CTNND2: variants seen among roughly 807,000 people sequenced by gnomAD.
The protein encoded by CTNND2 is catenin delta 2.
In CTNND2, 22 loss-of-function variants were observed where a neutral mutation model predicts 144.4. The observed-to-expected ratio is 0.15, with a 90% confidence interval of 0.11 to 0.22. The LOEUF is 0.22. CTNND2 is among the 10% of genes least tolerant of loss of function. The pLI, the probability that CTNND2 is intolerant of heterozygous loss-of-function variation, is 1.00. For missense variants in CTNND2, 1,353 were observed against 1,618.8 expected, an observed-to-expected ratio of 0.84 and a Z score of 2.82; for synonymous variants, 751 against 695.6, an observed-to-expected ratio of 1.08 and a Z score of -1.25.
rs149766664 is a variant in CTNND2, at chr5:11,159,734, G to A, written c.2001C>T (p.Cys667=). 194 of 1,601,520 alleles carry A rather than the reference G, an allele frequency of 1.2e-4. No individual in the cohort carries two copies. In the African/African-American group the frequency reaches 2.2e-3, roughly 18 times the overall value. ...VTGVLWNLSS[C]DALKMPIIQD... Reference sequence around the variant, plus strand: ...GGATGATTGGCATTTTGAGTGCATCGCATGAGGAGAGGTTCCAAAGGACTC... The same window carrying A: ...GGATGATTGGCATTTTGAGTGCATCACATGAGGAGAGGTTCCAAAGGACTC... Residue 667 remains cysteine, a synonymous_variant, in exon 12 of 22, where the codon TGC becomes TGT. Transcript: ENST00000304623.
chr5:11,236,888 G>A lies in CTNND2; in HGVS notation c.1629-65C>T, dbSNP rs1052664810. The A allele has an allele frequency of 3.2e-6, 5 of 1,547,092 alleles. No individual in the cohort carries two copies. In the African/African-American group the frequency reaches 5.5e-5, roughly 17 times the overall value. On this transcript the variant is annotated intron_variant, in intron 9 of 21. Coordinates refer to ENST00000304623, the MANE Select transcript of CTNND2 (RefSeq NM_001332.4). ...AATCCTACCACACTGTTAACACATG[G>A]TTAGCTCGTGTATGAAATGTACCTG...
At chr5:11,798,199 T>A (rs566319925) in intron 1 of CTNND2, among the ~76,000 whole-genome samples, 3 of 151,270 alleles carry the variant, frequency 2.0e-5, no homozygotes, top group African/African-American at 4.9e-5. Flanking sequence ...GAGGCGGAGG[T>A]TGCAGTGAGC....
chr5:11,635,319 G>A (rs571586395), intron 2 of CTNND2, among the ~76,000 whole-genome samples: 1 of 152,228 alleles, frequency 6.6e-6, no homozygotes, highest in South Asian at 2.1e-4. Context: ...AATGATCAGA[G>A]AGAACAGTGA....
At chr5:11,099,681 A>C (rs1489253752) in intron 14 of CTNND2, among the ~76,000 whole-genome samples, 1 of 152,172 alleles carries the variant, frequency 6.6e-6, no homozygotes, top group Non-Finnish European at 1.5e-5. Context: ...TACTCTTAAC[A>C]ATTTAAAAAA....
intron 12 of CTNND2, among the ~76,000 whole-genome samples, chr5:11,150,576 TCAGGTGGTGG>T (rs1370229979): frequency 6.7e-6 from 1 of 149,276 alleles, no homozygotes; most frequent in Admixed American, 6.7e-5. Flanking sequence ...CATGCTGACA[TCAGGTGGTGG>T]CAGGTGGTGA....
intron 9 of CTNND2, among the ~76,000 whole-genome samples, chr5:11,262,336 T>C (rs1261093098): frequency 6.6e-6 from 1 of 152,174 alleles, no homozygotes; most frequent in Non-Finnish European, 1.5e-5. Flanking sequence ...CACTCTGCTG[T>C]CTCCTTGTTC....
At chr5:11,188,778 T>A (rs1473825145) in intron 11 of CTNND2, among the ~76,000 whole-genome samples, 3 of 152,170 alleles carry the variant, frequency 2.0e-5, no homozygotes, top group Non-Finnish European at 1.5e-5. Context: ...GAAGACTCTA[T>A]GGGATACAGC....
chr5:11,169,898 C>T (rs1473818128), intron 11 of CTNND2, among the ~76,000 whole-genome samples: 2 of 152,098 alleles, frequency 1.3e-5, no homozygotes, highest in African/African-American at 2.4e-5. Flanking sequence ...AGAGCAACAG[C>T]TTTTTCACAG....
In CTNND2 at chr5:11,385,083, G is replaced by A; in HGVS notation, c.759C>T (p.Tyr253=). 1.3e-5 allele frequency: 14 copies of A among 1,068,986 alleles called. No homozygotes were observed. Among genetic ancestry groups the A allele is most frequent in the Non-Finnish European group, 1.5e-5 (13 of 887,466 alleles). 66.2% of individuals were successfully genotyped at this position (1,068,986 alleles called of 1,614,324 possible). The change falls in exon 7 of 22, where the codon TAC becomes TAT. Residue 253 remains tyrosine, a synonymous_variant. Coordinates refer to ENST00000304623, the MANE Select transcript of CTNND2 (RefSeq NM_001332.4). ...GCGCGGGCAGCGTGGAGCTGGAGTA[G>A]TAGAGCGCGGCGGCGGCGGCGGCGG... ...APPAAAAAAL[Y]YSSSTLPAPP...
chr5:11,849,673 C>T (rs1794922874), intron 1 of CTNND2, among the ~76,000 whole-genome samples: 1 of 152,268 alleles, frequency 6.6e-6, no homozygotes, highest in Admixed American at 6.5e-5. Context: ...TGTTAAACAC[C>T]TCTCTATGTA....
intron 1 of CTNND2, among the ~76,000 whole-genome samples, chr5:11,784,619 A>T (rs1790731287): frequency 6.6e-6 from 1 of 152,242 alleles, no homozygotes; most frequent in Non-Finnish European, 1.5e-5. Context: ...AATCAAAAGG[A>T]AATTTATCCT....
chr5:11,455,923 A>T (rs1304603223), intron 3 of CTNND2, among the ~76,000 whole-genome samples: 1 of 152,236 alleles, frequency 6.6e-6, no homozygotes, highest in Non-Finnish European at 1.5e-5. Flanking sequence ...GTCAGCATAA[A>T]TCTTCCCCAA....
intron 2 of CTNND2, among the ~76,000 whole-genome samples, chr5:11,640,010 A>G (rs1357543831): frequency 6.6e-6 from 1 of 152,232 alleles, no homozygotes; most frequent in African/African-American, 2.4e-5. Flanking sequence ...AATTTCTTAC[A>G]TATAAAAATC....
At chr5:11,390,016 C>T (rs1369638933) in intron 6 of CTNND2, among the ~76,000 whole-genome samples, 1 of 152,158 alleles carries the variant, frequency 6.6e-6, no homozygotes, top group Non-Finnish European at 1.5e-5. Context: ...ATTCTAAAAT[C>T]GCCCCCCGCC....
intron 16 of CTNND2, among the ~76,000 whole-genome samples, chr5:11,059,158 T>C (rs954114457): frequency 6.6e-6 from 1 of 152,150 alleles, no homozygotes; most frequent in Admixed American, 6.5e-5. Context: ...TTTTGAAATG[T>C]GAGGATATGA....
chr5:11,798,539 C>T (rs1234108552), intron 1 of CTNND2, among the ~76,000 whole-genome samples: 3 of 152,140 alleles, frequency 2.0e-5, no homozygotes, highest in African/African-American at 7.2e-5. Flanking sequence ...GAGGCCAAGG[C>T]GGACAGATCA....
intron 16 of CTNND2, among the ~76,000 whole-genome samples, chr5:11,052,360 T>C (rs1360141424): frequency 6.6e-6 from 1 of 152,186 alleles, no homozygotes; most frequent in African/African-American, 2.4e-5. Flanking sequence ...CAAATCTACA[T>C]GCAGATAGAA....
chr5:11,736,237 G>A (rs1454120958), intron 1 of CTNND2, among the ~76,000 whole-genome samples: 1 of 152,154 alleles, frequency 6.6e-6, no homozygotes, highest in Non-Finnish European at 1.5e-5. Flanking sequence ...AAAAAAATAT[G>A]GGATTTAATA....
At position 11,082,779 on chromosome 5, in the gene CTNND2, C is replaced by T. The variant is rs748058547; in HGVS notation, c.2705G>A (p.Arg902Gln). Residue 902 changes from arginine (R) to glutamine (Q), a missense_variant, in exon 16 of 22, where the codon CGA becomes CAA. Arg to Gln is a conservative substitution (Grantham distance 43). Coordinates refer to ENST00000304623, the MANE Select transcript of CTNND2 (RefSeq NM_001332.4). Reference sequence around the variant, plus strand: ...GCACACCACACGGTCATTGTCTATTCGGAGCAGCTCCACGAGGATGGGCAG... The same window carrying T: ...GCACACCACACGGTCATTGTCTATTTGGAGCAGCTCCACGAGGATGGGCAG... ...KGLPILVELL[R>Q]IDNDRVVCAV... 1.2e-6 allele frequency: 2 copies of T among 1,614,180 alleles called. No individual in the cohort carries two copies. The highest frequency in any genetic ancestry group is 1.1e-5 in the South Asian group (1 of 91,082).
Sources: allele counts gnomAD v4.1 joint callset (sites outside exome capture counted in the v4.1 genomes callset), GRCh38; gene constraint gnomAD v4.1.1; transcripts MANE v1.5; gene names NCBI Gene and HGNC (gene_info 2026-07-23, HGNC 2026-07-21).